The following RNGTT variants were observed in gnomAD, a reference collection of about 807,000 sequenced individuals.
The protein encoded by RNGTT is mRNA-capping enzyme.
RNGTT carries 33 observed loss-of-function variants against 79.3 expected under a neutral mutation model. That is an observed-to-expected ratio of 0.42 (90% CI 0.32 to 0.56). RNGTT has a LOEUF of 0.56. Among genes scored for constraint, RNGTT ranks in the 20% least tolerant of loss-of-function variants. The probability of loss-of-function intolerance (pLI) is 0.17; values close to 1 mark genes in which losing one functional copy is unlikely to be tolerated. For synonymous variants in RNGTT, 222 were observed against 235.9 expected, an observed-to-expected ratio of 0.94 and a Z score of 0.54; for missense variants, 497 against 739.1, an observed-to-expected ratio of 0.67 and a Z score of 3.80.
chr6:88,887,562 G>C (rs1445874853), intron 8 of RNGTT, among the ~76,000 whole-genome samples: 1 of 152,108 alleles, frequency 6.6e-6, no homozygotes, highest in African/African-American at 2.4e-5. Flanking sequence ...TTTTGTTTTT[G>C]GTGGAGCCTG....
At chr6:88,904,369 T>C (rs577057533) in intron 6 of RNGTT, among the ~76,000 whole-genome samples, 3 of 151,558 alleles carry the variant, frequency 2.0e-5, no homozygotes, top group East Asian at 3.9e-4. Context: ...AGCTCAGGAG[T>C]TCAAATCCAG....
At chr6:88,670,447 A>G (rs1420751934) in intron 14 of RNGTT, among the ~76,000 whole-genome samples, 1 of 152,184 alleles carries the variant, frequency 6.6e-6, no homozygotes, top group Non-Finnish European at 1.5e-5. Flanking sequence ...AGACCTAGAT[A>G]GTGAGGATGA....
intron 13 of RNGTT, among the ~76,000 whole-genome samples, chr6:88,698,302 G>A (rs1775822845): frequency 3.3e-5 from 4 of 121,012 alleles, no homozygotes; most frequent in Non-Finnish European, 6.3e-5. Context: ...ATATATATAT[G>A]AAATATATAT....
chr6:88,733,840 C>T (rs1400043741), intron 13 of RNGTT, among the ~76,000 whole-genome samples: 2 of 150,230 alleles, frequency 1.3e-5, no homozygotes, highest in Admixed American at 6.6e-5. Context: ...AACCCAACAA[C>T]CTTGAATTCT....
In RNGTT at chr6:88,795,710, GCAAA is replaced by G. The variant is rs1193169663; in HGVS notation, c.1338+5850_1338+5853del. On this transcript the variant is annotated intron_variant, in intron 12 of 15. Transcript: ENST00000369485. Reference sequence around the variant, plus strand: ...TTTTTAAAAACCACCACCAAAAAAAGCAAACAAACAAACAAAAAACAAGAAATAA... The same window carrying G: ...TTTTTAAAAACCACCACCAAAAAAAGCAAACAAACAAAAAACAAGAAATAA... Among the ~76,000 whole-genome samples, 6 of 151,702 alleles carry G rather than the reference GCAAA, an allele frequency of 4.0e-5. No homozygotes were observed. In the South Asian group the frequency reaches 1.0e-3, roughly 26 times the overall value.
chr6:88,766,480 A>C (rs1040415459), intron 13 of RNGTT, among the ~76,000 whole-genome samples: 4 of 152,140 alleles, frequency 2.6e-5, no homozygotes, highest in Non-Finnish European at 4.4e-5. Flanking sequence ...ATAAAACTCA[A>C]CACAATATAA....
intron 13 of RNGTT, among the ~76,000 whole-genome samples, chr6:88,718,616 A>G (rs1776603729): frequency 6.6e-6 from 1 of 152,130 alleles, no homozygotes; most frequent in Non-Finnish European, 1.5e-5. Flanking sequence ...TGGGTATAAC[A>G]AAAGAAAAAT....
At chr6:88,871,333 A>C (rs1182798554) in intron 8 of RNGTT, among the ~76,000 whole-genome samples, 1 of 152,124 alleles carries the variant, frequency 6.6e-6, no homozygotes, top group Non-Finnish European at 1.5e-5. Flanking sequence ...TTCCCAAGAC[A>C]CTACTGAAAT....
intron 13 of RNGTT, among the ~76,000 whole-genome samples, chr6:88,691,645 A>G (rs567065052): frequency 4.6e-5 from 7 of 152,266 alleles, no homozygotes; most frequent in Admixed American, 3.9e-4. Flanking sequence ...TGGCAATATT[A>G]TTTTTATTGC....
rs117679285 is a variant in RNGTT, at chr6:88,915,170, G to A, written c.368-8730C>T. On this transcript the variant is annotated intron_variant, in intron 4 of 15. Coordinates refer to ENST00000369485, the MANE Select transcript of RNGTT (RefSeq NM_003800.5). ...GGGAATGCTTATACACTGTTGGGGG[G>A]AATGTAAGTTAGTTTAGTCACTGTG... is the stretch of plus-strand genomic sequence containing the variant. Among the ~76,000 whole-genome samples the A allele has an allele frequency of 2.0e-3, 312 of 152,318 alleles. 6 individuals are homozygous for A. In the East Asian group the frequency reaches 0.055, roughly 27 times the overall value.
chr6:88,736,704 T>G (rs145311077), intron 13 of RNGTT, among the ~76,000 whole-genome samples: 427 of 152,314 alleles, frequency 2.8e-3, no homozygotes, highest in Non-Finnish European at 4.7e-3. Context: ...AGGTTGTGCC[T>G]GTACTACCAC....
At chr6:88,772,968 G>C in intron 12 of RNGTT, among the ~76,000 whole-genome samples, 1 of 151,270 alleles carries the variant, frequency 6.6e-6, no homozygotes, top group African/African-American at 2.4e-5. Context: ...TCCCATTACT[G>C]GGTATATACC....
At chr6:88,835,912 T>C (rs1582521088) in intron 11 of RNGTT, among the ~76,000 whole-genome samples, 1 of 149,422 alleles carries the variant, frequency 6.7e-6, no homozygotes, top group East Asian at 2.0e-4. Flanking sequence ...GGTGAAAGAA[T>C]TGCTTGAGCC....
intron 2 of RNGTT, among the ~76,000 whole-genome samples, chr6:88,934,331 T>C (rs908860201): frequency 2.0e-5 from 3 of 152,132 alleles, no homozygotes; most frequent in Non-Finnish European, 2.9e-5. Flanking sequence ...CCACTGTACC[T>C]AGTCATAAAT....
At position 88,782,856 on chromosome 6, in the gene RNGTT, T is replaced by C. The variant is rs140687346; in HGVS notation, c.1339-12982A>G. Among the ~76,000 whole-genome samples, 113 of 152,214 alleles carry C rather than the reference T, an allele frequency of 7.4e-4. 3 individuals are homozygous for C. The East Asian group carries it at 0.022, about 29-fold the overall frequency. ...AACCTCAATAAGACAGCACTTCACA[T>C]TTACGAGGATGCCTATTATCAAAAA... On this transcript the variant is annotated intron_variant, in intron 12 of 15. Coordinates refer to ENST00000369485, the MANE Select transcript of RNGTT (RefSeq NM_003800.5).
intron 2 of RNGTT, among the ~76,000 whole-genome samples, chr6:88,940,805 T>C (rs1389410450): frequency 2.6e-5 from 4 of 152,070 alleles, no homozygotes; most frequent in African/African-American, 9.7e-5. Flanking sequence ...CACAAATGCA[T>C]ATCAAAAGTA....
intron 14 of RNGTT, among the ~76,000 whole-genome samples, chr6:88,644,531 C>T (rs1252741340): frequency 6.6e-6 from 1 of 152,084 alleles, no homozygotes; most frequent in Non-Finnish European, 1.5e-5. Flanking sequence ...ATACCAAAGC[C>T]TGGCAGAGAC....
At chr6:88,772,580 A>G (rs1456970558) in intron 12 of RNGTT, among the ~76,000 whole-genome samples, 1 of 151,672 alleles carries the variant, frequency 6.6e-6, no homozygotes, top group African/African-American at 2.4e-5. Flanking sequence ...TCATCTGACA[A>G]AGGGCTAATA....
At chr6:88,620,938 G>A (rs964589220) in intron 14 of RNGTT, among the ~76,000 whole-genome samples, 1 of 152,222 alleles carries the variant, frequency 6.6e-6, no homozygotes, top group Non-Finnish European at 1.5e-5. Context: ...AACAGGACAT[G>A]TAGTTGTGGT....
Sources: gnomAD v4.1 joint callset for allele counts (sites outside exome capture counted in the v4.1 genomes callset) on GRCh38, gnomAD v4.1.1 for gene constraint, MANE v1.5 for transcripts, NCBI Gene and HGNC (gene_info 2026-07-23, HGNC 2026-07-21) for gene names.